ROBO1: variants seen among roughly 807,000 people sequenced by gnomAD.
ROBO1 encodes roundabout guidance receptor 1.
ROBO1 carries 149 observed loss-of-function variants against 195.9 expected under a neutral mutation model. The ratio of observed to expected loss-of-function variants is 0.76; its 90% CI spans 0.67 to 0.87. The LOEUF (loss-of-function observed/expected upper bound fraction) is 0.87, where lower values mean the gene tolerates loss of function less well. Among genes scored for constraint, ROBO1 ranks in the 40% least tolerant of loss-of-function variants. The pLI is 0.00. For synonymous variants in ROBO1, 816 were observed against 733.2 expected (o/e 1.11, Z -1.82); for missense variants, 1,933 against 2,068.3 (o/e 0.93, Z 1.27).
intron 2 of ROBO1, among the ~76,000 whole-genome samples, chr3:79,432,153 G>C (rs1251650221): frequency 2.6e-5 from 4 of 152,002 alleles, no homozygotes; most frequent in African/African-American, 7.2e-5. Flanking sequence ...GAAAGATACA[G>C]AGGCTGCCTT....
At chr3:78,945,967 GAA>G (rs1197763530) in intron 3 of ROBO1, among the ~76,000 whole-genome samples, 1 of 140,912 alleles carries the variant, frequency 7.1e-6, no homozygotes, top group African/African-American at 2.5e-5. Context: ...GAAGTTTAGA[GAA>G]AAAAAAAAAA....
At chr3:78,667,836 A>T in intron 14 of ROBO1, 47 bp downstream of exon 14, 2 of 1,563,104 alleles carry the variant, frequency 1.3e-6, no homozygotes, top group Non-Finnish European at 1.8e-6. Flanking sequence ...CAATTATAAC[A>T]TCTAAGGATA....
chr3:78,953,888 A>C (rs1387755021), intron 3 of ROBO1, among the ~76,000 whole-genome samples: 1 of 152,062 alleles, frequency 6.6e-6, no homozygotes, highest in Non-Finnish European at 1.5e-5. Context: ...ATGAGTTGGA[A>C]CCATTAATCA....
At chr3:79,205,692 C>T (rs2081854586) in intron 2 of ROBO1, among the ~76,000 whole-genome samples, 1 of 152,098 alleles carries the variant, frequency 6.6e-6, no homozygotes, top group Non-Finnish European at 1.5e-5. Context: ...CCCCTGTGCA[C>T]AGTAATTGAT....
rs147650584 is a variant in ROBO1, at chr3:79,545,034, T to G, written c.88+44790A>C. Among the ~76,000 whole-genome samples the G allele has an allele frequency of 5.0e-3, 757 of 152,262 alleles. 8 individuals are homozygous for G. The highest frequency in any genetic ancestry group is 0.03 in the East Asian group (155 of 5,176). On this transcript the variant is annotated intron_variant, in intron 2 of 30. Coordinates refer to ENST00000464233, the MANE Select transcript of ROBO1 (RefSeq NM_002941.4). ...GATGATGATTTCTTAGAAATTGATATTTAATATTTTTTTACCTTACATAGA... is the reference window on the plus strand; with the variant it reads ...GATGATGATTTCTTAGAAATTGATAGTTAATATTTTTTTACCTTACATAGA...
intron 4 of ROBO1, among the ~76,000 whole-genome samples, chr3:78,799,931 C>A (rs2108569533): frequency 6.6e-6 from 1 of 152,228 alleles, no homozygotes; most frequent in South Asian, 2.1e-4. Flanking sequence ...CCCTGTTGAG[C>A]TTGTCTAGGA....
At chr3:79,352,053 T>C (rs554505289) in intron 2 of ROBO1, among the ~76,000 whole-genome samples, 1 of 152,338 alleles carries the variant, frequency 6.6e-6, no homozygotes, top group African/African-American at 2.4e-5. Context: ...AAGGTAATTT[T>C]GAACAGAACA....
chr3:78,966,687 C>G (rs1345303696), intron 3 of ROBO1, among the ~76,000 whole-genome samples: 2 of 152,126 alleles, frequency 1.3e-5, no homozygotes, highest in Non-Finnish European at 2.9e-5. Flanking sequence ...ATACAATTGG[C>G]ACCTCTTAAT....
chr3:79,469,854 A>C (rs181430345), intron 2 of ROBO1, among the ~76,000 whole-genome samples: 5 of 152,340 alleles, frequency 3.3e-5, no homozygotes, highest in Non-Finnish European at 5.9e-5. Context: ...GTTAAAAAAA[A>C]AGTGTCAGTA....
At chr3:78,604,237 A>T (rs1221116999) in intron 29 of ROBO1, among the ~76,000 whole-genome samples, 1 of 151,748 alleles carries the variant, frequency 6.6e-6, no homozygotes, top group Non-Finnish European at 1.5e-5. Flanking sequence ...CACCCAGCTA[A>T]TTTTTTTATT....
intron 4 of ROBO1, among the ~76,000 whole-genome samples, chr3:78,880,062 T>C (rs914466978): frequency 2.0e-5 from 3 of 152,170 alleles, no homozygotes; most frequent in Admixed American, 2.0e-4. Flanking sequence ...TAAAGCACCA[T>C]GGTAATTTTG....
intron 3 of ROBO1, among the ~76,000 whole-genome samples, chr3:79,115,324 A>T (rs1411454714): frequency 6.6e-6 from 1 of 152,174 alleles, no homozygotes; most frequent in Non-Finnish European, 1.5e-5. Context: ...ACTTTGAAGG[A>T]TATGTAACAA....
chr3:78,979,281 G>A (rs1401776293), intron 3 of ROBO1, among the ~76,000 whole-genome samples: 2 of 152,062 alleles, frequency 1.3e-5, no homozygotes, highest in African/African-American at 4.8e-5. Flanking sequence ...TCCTTAATCA[G>A]CCAACGTGAA....
At chr3:78,679,755 C>G (rs554301108) in intron 10 of ROBO1, among the ~76,000 whole-genome samples, 1 of 152,184 alleles carries the variant, frequency 6.6e-6, no homozygotes, top group South Asian at 2.1e-4. Flanking sequence ...GGCCATACTG[C>G]CCAAGGTAAT....
At chr3:78,709,466 C>T (rs150349706) in intron 8 of ROBO1, among the ~76,000 whole-genome samples, 189 of 152,182 alleles carry the variant, frequency 1.2e-3, no homozygotes, top group African/African-American at 4.2e-3. Context: ...CTAATATCAC[C>T]AAAATTTTAT....
intron 1 of ROBO1, among the ~76,000 whole-genome samples, chr3:79,742,403 T>C (rs1560149282): frequency 6.6e-6 from 1 of 152,200 alleles, no homozygotes; most frequent in Non-Finnish European, 1.5e-5. Context: ...GGGCCAGATA[T>C]GTTTCAGGCT....
At chr3:78,938,264 A>G in intron 4 of ROBO1, 1 of 252,500 alleles carries the variant, frequency 4.0e-6, no homozygotes, top group East Asian at 1.0e-4. Context: ...TGTCTCAAGT[A>G]GCTGAACTAT....
chr3:78,950,278 T>C (rs976304462), intron 3 of ROBO1, among the ~76,000 whole-genome samples: 1 of 151,714 alleles, frequency 6.6e-6, no homozygotes, highest in African/African-American at 2.4e-5. Flanking sequence ...CCAACAACGA[T>C]AGACTGGATT....
In ROBO1 at chr3:78,732,896, T is replaced by A. The variant is rs184790773; in HGVS notation, c.657+13847A>T. On this transcript the variant is annotated intron_variant, in intron 5 of 30. Coordinates refer to ENST00000464233, the MANE Select transcript of ROBO1 (RefSeq NM_002941.4). ...GCAATAGGCTTTTAAAGCTTTGTGA[T>A]CACCTCGATTTGTAAGATTTAAGAA... 7.9e-4 allele frequency among the ~76,000 whole-genome samples: 121 copies of A among 152,302 alleles called. 1 individual carries two copies. In the East Asian group the frequency reaches 0.021, roughly 27 times the overall value.
Sources: gnomAD v4.1 joint callset for allele counts (sites outside exome capture counted in the v4.1 genomes callset) on GRCh38, gnomAD v4.1.1 for gene constraint, MANE v1.5 for transcripts, NCBI Gene and HGNC (gene_info 2026-07-23, HGNC 2026-07-21) for gene names.